MAST2: variants seen among roughly 807,000 people sequenced by gnomAD.
MAST2 encodes the protein microtubule-associated serine/threonine-protein kinase 2.
In MAST2, 70 loss-of-function variants were observed where a neutral mutation model predicts 147.4. The ratio of observed to expected loss-of-function variants is 0.47; its 90% CI spans 0.39 to 0.58. MAST2 has a LOEUF of 0.58. MAST2 is among the 20% of genes least tolerant of loss of function. The pLI is 0.00. For synonymous variants in MAST2, 869 were observed against 896.8 expected (o/e 0.97, Z 0.55); for missense variants, 2,080 against 2,302.3 (o/e 0.90, Z 1.98).
intron 5 of MAST2, among the ~76,000 whole-genome samples, chr1:45,982,430 G>A (rs144473832): frequency 6.6e-6 from 1 of 152,268 alleles, no homozygotes; most frequent in East Asian, 1.9e-4. Flanking sequence ...TGAGATAGAG[G>A]CCGGGAGATT....
chr1:46,029,096 A>G, intron 18 of MAST2, 163 bp downstream of exon 18: 1 of 756,720 alleles, frequency 1.3e-6, no homozygotes, highest in Non-Finnish European at 2.1e-6. Flanking sequence ...TTCTGCATGT[A>G]CATACATGTG....
chr1:45,956,610 G>A (rs891808396), intron 4 of MAST2, among the ~76,000 whole-genome samples: 1 of 152,148 alleles, frequency 6.6e-6, no homozygotes, highest in South Asian at 2.1e-4. Context: ...CACAAAGTAT[G>A]CAAGCATTAC....
intron 1 of MAST2, 140 bp from the exon 2 acceptor site, chr1:45,824,293 T>G (rs1644725614): frequency 2.0e-6 from 1 of 503,426 alleles, no homozygotes; most frequent in Non-Finnish European, 3.4e-6. Context: ...AATATGTTTC[T>G]GGTTTTAGCT....
intron 10 of MAST2, among the ~76,000 whole-genome samples, chr1:46,011,944 GAA>G (rs1388887690): frequency 1.3e-5 from 2 of 152,218 alleles, no homozygotes; most frequent in African/African-American, 4.8e-5. Flanking sequence ...TAATACCCCT[GAA>G]AGACATAATT....
chr1:46,035,710 G>A lies in MAST2; in HGVS notation c.5041G>A (p.Ala1681Thr). The change falls in exon 29 of 29, where the codon GCC becomes ACC. Residue 1681 changes from alanine (A) to threonine (T), a missense_variant. This residue lies in a region of MAST2 where 1,278 missense variants were observed against 1,304.2 expected (regional missense o/e 0.98). Coordinates refer to ENST00000361297, the MANE Select transcript of MAST2 (RefSeq NM_015112.3). This position sits in a 1 kb window ranked among gnomAD's most constrained non-coding sequence, Gnocchi z 5.5. ...AAAGGCAACCATGGCAGGTGGGCTAGCCAACCTCCAGGATTTGGAAAACAC... is the reference window on the plus strand; with the variant it reads ...AAAGGCAACCATGGCAGGTGGGCTAACCAACCTCCAGGATTTGGAAAACAC... ...SRKATMAGGL[A>T]NLQDLENTTP... The A allele has an allele frequency of 6.2e-7, 1 of 1,614,008 alleles. No individual in the cohort carries two copies. Among genetic ancestry groups the A allele is most frequent in the Non-Finnish European group, 8.5e-7 (1 of 1,180,014 alleles).
intron 4 of MAST2, among the ~76,000 whole-genome samples, chr1:45,928,900 A>T (rs889925061): frequency 1.3e-5 from 2 of 150,756 alleles, no homozygotes; most frequent in Non-Finnish European, 3.0e-5. Context: ...ACTTTCCCAC[A>T]TTCTGGATTT....
intron 10 of MAST2, among the ~76,000 whole-genome samples, chr1:46,015,662 C>T (rs1258504261): frequency 2.0e-5 from 3 of 152,148 alleles, no homozygotes. Flanking sequence ...ATAACAGGCT[C>T]TGAAATTGTG....
intron 7 of MAST2, among the ~76,000 whole-genome samples, chr1:46,005,953 T>G (rs902546356): frequency 6.6e-6 from 1 of 152,306 alleles, no homozygotes; most frequent in South Asian, 2.1e-4. Context: ...TGAGGAAGCA[T>G]GATTTATTAA....
intron 7 of MAST2, 109 bp downstream of exon 7, chr1:46,002,992 C>A: frequency 9.0e-7 from 1 of 1,116,218 alleles, no homozygotes; most frequent in South Asian, 1.3e-5. Flanking sequence ...AAGTCAAACT[C>A]AGAGAGGTTG....
intron 5 of MAST2, among the ~76,000 whole-genome samples, chr1:45,990,667 G>A (rs1230566436): frequency 2.0e-5 from 3 of 152,074 alleles, no homozygotes; most frequent in Non-Finnish European, 2.9e-5. Context: ...TAAATTTTTT[G>A]TAGAGACAAG....
chr1:45,848,571 G>T (rs1438848759), intron 3 of MAST2, among the ~76,000 whole-genome samples: 4 of 152,146 alleles, frequency 2.6e-5, no homozygotes, highest in Non-Finnish European at 5.9e-5. Context: ...CTTGTGCTTG[G>T]TTTCCTCCAG....
chr1:45,864,477 G>C (rs1057381196), intron 3 of MAST2, among the ~76,000 whole-genome samples: 1 of 152,176 alleles, frequency 6.6e-6, no homozygotes, highest in African/African-American at 2.4e-5. Context: ...TGACAGTATC[G>C]AAAGAATCTG....
chr1:45,819,417 A>G (rs1644553673), intron 1 of MAST2, among the ~76,000 whole-genome samples: 1 of 152,220 alleles, frequency 6.6e-6, no homozygotes, highest in Non-Finnish European at 1.5e-5. Flanking sequence ...AAGAAGTCAA[A>G]TTATCCTTGT....
At chr1:45,983,049 A>G (rs977509378) in intron 5 of MAST2, among the ~76,000 whole-genome samples, 1 of 152,208 alleles carries the variant, frequency 6.6e-6, no homozygotes, top group Non-Finnish European at 1.5e-5. Context: ...GCCTTTTGCC[A>G]AAGATTTCCA....
At chr1:45,906,338 T>G (rs1378222702) in intron 4 of MAST2, among the ~76,000 whole-genome samples, 2 of 152,116 alleles carry the variant, frequency 1.3e-5, no homozygotes, top group African/African-American at 4.8e-5. Context: ...AGTGTATGTT[T>G]GTGTCTTCAT....
intron 4 of MAST2, among the ~76,000 whole-genome samples, chr1:45,893,598 T>C (rs1450475394): frequency 7.5e-6 from 1 of 132,724 alleles, no homozygotes; most frequent in Admixed American, 7.8e-5. Flanking sequence ...GTAGGATATT[T>C]TAAAAAAAAA....
intron 4 of MAST2, among the ~76,000 whole-genome samples, chr1:45,945,276 A>C (rs752127334): frequency 2.0e-5 from 3 of 152,244 alleles, no homozygotes; most frequent in Admixed American, 6.5e-5. Context: ...AATCCAGCCT[A>C]GGTGACAGAG....
chr1:45,836,635 TG>T (rs748611446), intron 3 of MAST2, among the ~76,000 whole-genome samples: 11 of 152,302 alleles, frequency 7.2e-5, no homozygotes, highest in Non-Finnish European at 1.6e-4. Flanking sequence ...GCTGTAGTTT[TG>T]CATTTTCTAC....
chr1:45,818,875 T>TA, intron 1 of MAST2, among the ~76,000 whole-genome samples: 1 of 152,288 alleles, frequency 6.6e-6, no homozygotes, highest in Middle Eastern at 3.4e-3. Context: ...GTCTAAAACA[T>TA]AAACAGCAAG....
Sources: gnomAD v4.1 joint callset for allele counts (sites outside exome capture counted in the v4.1 genomes callset) on GRCh38, gnomAD v4.1.1 for gene constraint, gnomAD v4.1.1 regional missense constraint, Gnocchi (gnomAD v3.1) non-coding constraint, MANE v1.5 for transcripts, NCBI Gene and HGNC (gene_info 2026-07-23, HGNC 2026-07-21) for gene names.